PCDH11X: variants seen among roughly 807,000 people sequenced by gnomAD.
PCDH11X encodes protocadherin-11 X-linked.
Under a neutral mutation model 53.3 loss-of-function variants are expected in PCDH11X, and 18 were observed. The observed-to-expected ratio is 0.34, with a 90% CI of 0.23 to 0.50. The LOEUF (loss-of-function observed/expected upper bound fraction) is 0.50. PCDH11X is among the 20% of genes least tolerant of loss of function. PCDH11X has a pLI of 0.98. For missense variants in PCDH11X, 570 were observed against 1,032.4 expected, an observed-to-expected ratio of 0.55 and a Z score of 6.14; for synonymous variants, 279 against 393.3, an observed-to-expected ratio of 0.71 and a Z score of 3.44.
intron 5 of PCDH11X, among the ~76,000 whole-genome samples, chrX:91,856,699 G>A (rs1327654269): frequency 9.1e-6 from 1 of 110,224 alleles, no homozygotes. Flanking sequence ...AGAACATGTG[G>A]TGTTTGATTT....
chrX:92,003,939 G>A (rs1258642093), intron 6 of PCDH11X, among the ~76,000 whole-genome samples: 3 of 109,029 alleles, frequency 2.8e-5, no homozygotes, highest in African/African-American at 1.0e-4. Flanking sequence ...GGTTTGATTT[G>A]CTCTTACTTT....
chrX:92,585,233 C>T (rs1485057889), intron 10 of PCDH11X, among the ~76,000 whole-genome samples: 2 of 110,775 alleles, frequency 1.8e-5, no homozygotes, highest in Non-Finnish European at 3.8e-5. Flanking sequence ...CCCCGTAATC[C>T]GATCACCTCC....
chrX:91,826,868 T>C (rs1246736772), intron 4 of PCDH11X, among the ~76,000 whole-genome samples: 1 of 100,439 alleles, frequency 1.0e-5, no homozygotes, highest in African/African-American at 3.6e-5. Context: ...CTGTTATTGA[T>C]GGACATTTAG....
intron 8 of PCDH11X, among the ~76,000 whole-genome samples, chrX:92,321,293 C>T (rs1363755396): frequency 5.7e-5 from 6 of 106,121 alleles, no homozygotes; most frequent in Non-Finnish European, 1.2e-4. Flanking sequence ...CCCTGGTTCA[C>T]GCCATTCTCC....
At chrX:92,273,258 G>C (rs778136625) in intron 8 of PCDH11X, among the ~76,000 whole-genome samples, 39 of 109,845 alleles carry the variant, frequency 3.6e-4, no homozygotes, top group Admixed American at 7.8e-4. Flanking sequence ...GTCAAAGGGG[G>C]TTGTTCTCTG....
At chrX:91,965,090 T>G (rs1182371066) in intron 6 of PCDH11X, among the ~76,000 whole-genome samples, 2 of 111,137 alleles carry the variant, frequency 1.8e-5, no homozygotes, top group Non-Finnish European at 3.8e-5. Flanking sequence ...TAATGTACAT[T>G]CAGCTCTTTA....
At chrX:91,825,164 A>G (rs1384405675) in intron 4 of PCDH11X, among the ~76,000 whole-genome samples, 49 of 109,465 alleles carry the variant, frequency 4.5e-4, no homozygotes, top group African/African-American at 1.6e-3. Context: ...TGGAGCCTAC[A>G]GAGGCAAGCA....
At chrX:92,085,822 G>A (rs2063940870) in intron 6 of PCDH11X, among the ~76,000 whole-genome samples, 1 of 111,080 alleles carries the variant, frequency 9.0e-6, no homozygotes, top group Admixed American at 9.7e-5. Context: ...CACCATTGCA[G>A]ACATATTCTA....
chrX:92,220,625 G>C (rs62599158), intron 7 of PCDH11X, among the ~76,000 whole-genome samples: 7,425 of 110,475 alleles, frequency 0.067, 333 homozygotes, highest in East Asian at 0.19. Flanking sequence ...TTCAACCATT[G>C]TGGAAGTCAG....
At chrX:92,085,901 C>T (rs2063942079) in intron 6 of PCDH11X, among the ~76,000 whole-genome samples, 1 of 111,409 alleles carries the variant, frequency 9.0e-6, no homozygotes, top group Non-Finnish European at 1.9e-5. Flanking sequence ...CATGACTAGT[C>T]TGAATTAAGA....
At chrX:92,542,117 A>C (rs1429948667) in intron 10 of PCDH11X, among the ~76,000 whole-genome samples, 1 of 111,832 alleles carries the variant, frequency 8.9e-6, no homozygotes, top group African/African-American at 3.3e-5. Flanking sequence ...CTCACACTAC[A>C]TATTTAAGAT....
Position 92,111,460 on chromosome X carries a change from T to C in PCDH11X, c.3034-89915T>C, listed in dbSNP as rs764013049. 6.0e-4 allele frequency among the ~76,000 whole-genome samples: 65 copies of C among 108,253 alleles called. 1 individual carries two copies. Among genetic ancestry groups the C allele is most frequent in the African/African-American group, 2.1e-3 (62 of 29,574 alleles). 94.0% of individuals were successfully genotyped at this position (108,253 alleles called of 115,157 possible). ...CTACTCATCTTAAATAAAAATGTAA[T>C]GCTACTCGAAGAAAATAAATTTCCT... On this transcript the variant is annotated intron_variant, in intron 6 of 10. Coordinates refer to ENST00000682573, the MANE Select transcript of PCDH11X (RefSeq NM_032968.5).
At chrX:92,435,044 G>T (rs1190036973) in intron 9 of PCDH11X, among the ~76,000 whole-genome samples, 1 of 110,911 alleles carries the variant, frequency 9.0e-6, no homozygotes, top group African/African-American at 3.3e-5. Context: ...TGAGAATATG[G>T]ATAAGAACAA....
intron 10 of PCDH11X, among the ~76,000 whole-genome samples, chrX:92,606,186 C>T (rs1258387742): frequency 2.0e-4 from 16 of 80,346 alleles, no homozygotes; most frequent in Admixed American, 3.4e-4. Flanking sequence ...AGCCGGAGAT[C>T]GTGCCATTGC....
At chrX:92,100,549 G>T (rs111418720) in intron 6 of PCDH11X, among the ~76,000 whole-genome samples, 6,649 of 109,781 alleles carry the variant, frequency 0.061, 512 homozygotes, top group African/African-American at 0.19. Context: ...TTACACTTCT[G>T]TTGTGGTGGA....
At chrX:92,558,602 A>T (rs2075084833) in intron 10 of PCDH11X, among the ~76,000 whole-genome samples, 2 of 110,890 alleles carry the variant, frequency 1.8e-5, no homozygotes, top group South Asian at 7.6e-4. Flanking sequence ...AGGAGATAAG[A>T]TCAATTCTTT....
intron 6 of PCDH11X, among the ~76,000 whole-genome samples, chrX:91,990,734 G>T (rs1225547776): frequency 9.7e-6 from 1 of 103,404 alleles, no homozygotes; most frequent in African/African-American, 3.6e-5. Context: ...CTGCTAGGTG[G>T]GGCTAGGGTA....
chrX:92,096,436 GTA>G (rs1185331315), intron 6 of PCDH11X, among the ~76,000 whole-genome samples: 9 of 66,553 alleles, frequency 1.4e-4, no homozygotes, highest in East Asian at 4.7e-4. Context: ...GAGTGTATGT[GTA>G]TGTGTGTGTG....
intron 10 of PCDH11X, among the ~76,000 whole-genome samples, chrX:92,603,962 A>G (rs1377577142): frequency 9.3e-6 from 1 of 107,117 alleles, no homozygotes; most frequent in Non-Finnish European, 1.9e-5. Context: ...TCTATATATA[A>G]ACAATTGTAT....
Sources: allele counts gnomAD v4.1 joint callset (sites outside exome capture counted in the v4.1 genomes callset), GRCh38; gene constraint gnomAD v4.1.1; transcripts MANE v1.5; gene names NCBI Gene and HGNC (gene_info 2026-07-23, HGNC 2026-07-21).